The following PEPD variants were observed in gnomAD, a reference collection of about 807,000 sequenced individuals.
PEPD encodes the protein peptidase D, also known as xaa-Pro dipeptidase.
Under a neutral mutation model 60.7 loss-of-function variants are expected in PEPD, and 53 were observed. The ratio of observed to expected loss-of-function variants is 0.87; its 90% CI spans 0.70 to 1.10. The LOEUF is 1.10. Among genes scored for constraint, PEPD ranks in the 50% least tolerant of loss-of-function variants. PEPD has a pLI of 0.00. For missense variants in PEPD, 711 were observed against 711.9 expected (o/e 1.00, Z 0.01); for synonymous variants, 267 against 284.1 (o/e 0.94, Z 0.60).
At chr19:33,467,630 C>G (rs896233159) in intron 7 of PEPD, among the ~76,000 whole-genome samples, 4 of 152,002 alleles carry the variant, frequency 2.6e-5, no homozygotes, top group Admixed American at 2.0e-4. Context: ...ATGGAAGAAC[C>G]AGCAATAAAC....
At chr19:33,450,681 G>GGTAA (rs1455733782) in intron 9 of PEPD, among the ~76,000 whole-genome samples, 1 of 152,014 alleles carries the variant, frequency 6.6e-6, no homozygotes, top group African/African-American at 2.4e-5. Context: ...GTAAAATGAT[G>GGTAA]GTAAGACAAT....
At chr19:33,468,762 C>A (rs1970066776) in intron 7 of PEPD, among the ~76,000 whole-genome samples, 1 of 152,212 alleles carries the variant, frequency 6.6e-6, no homozygotes, top group Non-Finnish European at 1.5e-5. Flanking sequence ...AACCCACAAG[C>A]CCAGGGAGAC....
At chr19:33,394,376 C>T (rs1055615916) in intron 12 of PEPD, among the ~76,000 whole-genome samples, 31 of 152,360 alleles carry the variant, frequency 2.0e-4, no homozygotes, top group African/African-American at 6.7e-4. Flanking sequence ...GGGGCAGGCC[C>T]GGCGCCGCCC....
intron 7 of PEPD, among the ~76,000 whole-genome samples, chr19:33,465,837 CCAGA>C (rs1264919757): frequency 1.1e-4 from 17 of 152,198 alleles, no homozygotes; most frequent in East Asian, 1.9e-4. Flanking sequence ...AACCCTACAC[CCAGA>C]CAAACTACTA....
At chr19:33,436,127 A>G (rs1311478106) in intron 9 of PEPD, among the ~76,000 whole-genome samples, 3 of 151,770 alleles carry the variant, frequency 2.0e-5, no homozygotes, top group Non-Finnish European at 4.4e-5. Context: ...GGGAGAAAAG[A>G]AGGGAGAAGG....
chr19:33,477,213 CT>C (rs1568491140), intron 7 of PEPD: 1 of 152,690 alleles, frequency 6.5e-6, no homozygotes, highest in Non-Finnish European at 1.5e-5. Flanking sequence ...TCTCCTACTC[CT>C]TCTTTTTCCA....
chr19:33,391,155 G>T, intron 13 of PEPD, 140 bp downstream of exon 13: 1 of 746,562 alleles, frequency 1.3e-6, no homozygotes, highest in Non-Finnish European at 2.4e-6. Context: ...CATGGCCTCC[G>T]TATACCACAG....
At chr19:33,411,867 C>T in intron 10 of PEPD, 118 bp from the exon 11 acceptor site, 1 of 725,080 alleles carries the variant, frequency 1.4e-6, no homozygotes, top group Non-Finnish European at 2.5e-6. Context: ...CCAGCACAGG[C>T]CCAGGCGTGG....
At chr19:33,478,562 CA>C (rs1212252773) in intron 6 of PEPD, among the ~76,000 whole-genome samples, 3 of 151,948 alleles carry the variant, frequency 2.0e-5, no homozygotes, top group Non-Finnish European at 4.4e-5. Context: ...TTGAAAGCAG[CA>C]AGAGAAAAGT....
At chr19:33,498,613 G>A (rs746535224) in intron 4 of PEPD, among the ~76,000 whole-genome samples, 3 of 152,178 alleles carry the variant, frequency 2.0e-5, no homozygotes, top group Non-Finnish European at 4.4e-5. Context: ...GGGTCCTGGA[G>A]GCAGGTGCCC....
rs564020391 is a variant in PEPD, at chr19:33,473,449, A to C, written c.548+4597T>G. 1.8e-4 allele frequency among the ~76,000 whole-genome samples: 27 copies of C among 152,320 alleles called. No individual in the cohort carries two copies. The East Asian group carries it at 5.2e-3, about 29-fold the overall frequency. ...GAGAGGCCGGGGAGCAGAAATAGACATGTTACCCACCGCCTGATTAATGCA... is the reference window on the plus strand; with the variant it reads ...GAGAGGCCGGGGAGCAGAAATAGACCTGTTACCCACCGCCTGATTAATGCA... On this transcript the variant is annotated intron_variant, in intron 7 of 14. Coordinates refer to ENST00000244137, the MANE Select transcript of PEPD (RefSeq NM_000285.4).
intron 3 of PEPD, among the ~76,000 whole-genome samples, chr19:33,504,903 C>T (rs1970771389): frequency 6.6e-6 from 1 of 152,146 alleles, no homozygotes; most frequent in Non-Finnish European, 1.5e-5. Flanking sequence ...AAGGGGCTCT[C>T]GTCCTCCACA....
At chr19:33,456,436 C>T (rs1006588142) in intron 9 of PEPD, among the ~76,000 whole-genome samples, 4 of 152,198 alleles carry the variant, frequency 2.6e-5, no homozygotes, top group East Asian at 1.9e-4. Flanking sequence ...GGCTTGGACA[C>T]GCAGATGGTG....
chr19:33,460,083 G>T (rs770880465), intron 9 of PEPD, among the ~76,000 whole-genome samples: 1 of 152,138 alleles, frequency 6.6e-6, no homozygotes, highest in Non-Finnish European at 1.5e-5. Flanking sequence ...GCACACCCCC[G>T]GGTAACCAAA....
intron 4 of PEPD, 62 bp from the exon 5 acceptor site, chr19:33,493,399 G>T: frequency 9.0e-7 from 1 of 1,110,216 alleles, no homozygotes; most frequent in Non-Finnish European, 1.4e-6. Flanking sequence ...AAGATGACAT[G>T]CCACCATTCC....
intron 7 of PEPD, among the ~76,000 whole-genome samples, chr19:33,474,662 T>C (rs28522278): frequency 0.41 from 61,866 of 150,878 alleles, 13,169 homozygotes; most frequent in African/African-American, 0.53. Context: ...CCAGCCTGGG[T>C]GACAGAGCAA....
chr19:33,512,882 C>T (rs1970956394), intron 1 of PEPD, 106 bp from the exon 2 acceptor site: 1 of 1,275,154 alleles, frequency 7.8e-7, no homozygotes, highest in Middle Eastern at 1.9e-4. Context: ...GCCGTGGGAC[C>T]CCCATCAGCA....
intron 9 of PEPD, among the ~76,000 whole-genome samples, chr19:33,444,793 C>T (rs908490411): frequency 3.3e-5 from 5 of 152,172 alleles, no homozygotes; most frequent in South Asian, 2.1e-4. Context: ...CTCTCTTACC[C>T]GCCACACCCC....
chr19:33,449,607 G>A (rs1969658147), intron 9 of PEPD, among the ~76,000 whole-genome samples: 1 of 152,272 alleles, frequency 6.6e-6, no homozygotes, highest in Admixed American at 6.5e-5. Context: ...ATCATGAGAG[G>A]AAGCTAACAG....
Sources: allele counts gnomAD v4.1 joint callset (sites outside exome capture counted in the v4.1 genomes callset), GRCh38; gene constraint gnomAD v4.1.1; transcripts MANE v1.5; gene names NCBI Gene and HGNC (gene_info 2026-07-23, HGNC 2026-07-21).